The following FAT3 variants were observed in gnomAD, a reference collection of about 807,000 sequenced individuals.
The protein encoded by FAT3 is protocadherin Fat 3.
Under a neutral mutation model 310.2 loss-of-function variants are expected in FAT3, and 95 were observed. The observed-to-expected ratio is 0.31, with a 90% CI of 0.26 to 0.36. The LOEUF (loss-of-function observed/expected upper bound fraction) is 0.36, where lower values mean the gene tolerates loss of function less well. Ranked by LOEUF, FAT3 falls within the 10% of genes least tolerant of loss-of-function variation. The pLI is 1.00. For missense variants in FAT3, 5,408 were observed against 5,715.6 expected, an observed-to-expected ratio of 0.95 and a Z score of 1.74; for synonymous variants, 2,314 against 2,192.9, an observed-to-expected ratio of 1.06 and a Z score of -1.54.
At chr11:92,856,901 G>A (rs1474715038) in intron 19 of FAT3, among the ~76,000 whole-genome samples, 1 of 152,140 alleles carries the variant, frequency 6.6e-6, no homozygotes, top group Non-Finnish European at 1.5e-5. Flanking sequence ...TCTTTCTTCA[G>A]CTGAAGTTGG....
At chr11:92,680,548 T>A (rs1401521655) in intron 3 of FAT3, among the ~76,000 whole-genome samples, 2 of 152,236 alleles carry the variant, frequency 1.3e-5, no homozygotes, top group African/African-American at 2.4e-5. Flanking sequence ...ATATGATGCT[T>A]CCAGCTTTGT....
At chr11:92,333,593 G>A (rs1184355658) in intron 1 of FAT3, among the ~76,000 whole-genome samples, 1 of 152,126 alleles carries the variant, frequency 6.6e-6, no homozygotes, top group South Asian at 2.1e-4. Context: ...TGCAAGTCCT[G>A]TAACATAATC....
chr11:92,470,430 A>G (rs1271608687), intron 2 of FAT3, among the ~76,000 whole-genome samples: 3 of 152,176 alleles, frequency 2.0e-5, no homozygotes, highest in African/African-American at 7.2e-5. Flanking sequence ...TCTGGCTTAA[A>G]TCTTCTTAAA....
intron 1 of FAT3, among the ~76,000 whole-genome samples, chr11:92,271,966 TG>T (rs1946133965): frequency 6.6e-6 from 1 of 152,268 alleles, no homozygotes; most frequent in African/African-American, 2.4e-5. Context: ...TTTCTTAGTT[TG>T]GGGGTAGTTT....
At chr11:92,329,938 A>T (rs1357357196) in intron 1 of FAT3, among the ~76,000 whole-genome samples, 1 of 151,604 alleles carries the variant, frequency 6.6e-6, no homozygotes, top group Non-Finnish European at 1.5e-5. Flanking sequence ...TGCTTAGTAC[A>T]CTTCAGCTTT....
chr11:92,374,030 G>GGAGAGAGAGAGAGAGAGAGAGAGA (rs58680206), intron 2 of FAT3, among the ~76,000 whole-genome samples: 4 of 142,236 alleles, frequency 2.8e-5, no homozygotes, highest in African/African-American at 5.3e-5. Flanking sequence ...ACAGAGAGAG[G>GGAGAGAGAGAGAGAGAGAGAGAGA]GAGAGAGAGA....
chr11:92,360,845 G>A (rs1948862281), intron 2 of FAT3, among the ~76,000 whole-genome samples: 1 of 152,180 alleles, frequency 6.6e-6, no homozygotes, highest in African/African-American at 2.4e-5. Flanking sequence ...GGATCACTGA[G>A]GCTTGCCCAG....
chr11:92,453,038 T>A (rs1951401962), intron 2 of FAT3, among the ~76,000 whole-genome samples: 1 of 152,122 alleles, frequency 6.6e-6, no homozygotes, highest in Non-Finnish European at 1.5e-5. Flanking sequence ...CCTCCCAAAG[T>A]GTTGGGATTA....
intron 1 of FAT3, among the ~76,000 whole-genome samples, chr11:92,301,463 G>A (rs1195990964): frequency 6.6e-6 from 1 of 152,054 alleles, no homozygotes; most frequent in Non-Finnish European, 1.5e-5. Flanking sequence ...AGGAGGGAGG[G>A]GGATGGAACA....
chr11:92,630,454 A>G (rs1039910299), intron 3 of FAT3, among the ~76,000 whole-genome samples: 1 of 152,218 alleles, frequency 6.6e-6, no homozygotes, highest in Admixed American at 6.5e-5. Flanking sequence ...CCTAAGCTTC[A>G]GATTCATAGA....
At chr11:92,339,167 A>G (rs1234068511) in intron 1 of FAT3, among the ~76,000 whole-genome samples, 1 of 152,164 alleles carries the variant, frequency 6.6e-6, no homozygotes, top group African/African-American at 2.4e-5. Flanking sequence ...CATATTAGGC[A>G]TGTAAGTTCT....
At chr11:92,245,523 T>C (rs1201988460) in intron 1 of FAT3, among the ~76,000 whole-genome samples, 1 of 152,068 alleles carries the variant, frequency 6.6e-6, no homozygotes, top group Non-Finnish European at 1.5e-5. Context: ...AATTCCTAGA[T>C]AATGTCAATG....
intron 4 of FAT3, among the ~76,000 whole-genome samples, chr11:92,712,276 A>G (rs1246627533): frequency 2.0e-5 from 3 of 152,056 alleles, no homozygotes; most frequent in Non-Finnish European, 4.4e-5. Flanking sequence ...ATCAGTTCCA[A>G]CTTGGAGCTA....
chr11:92,272,505 G>A (rs1052102312), intron 1 of FAT3, among the ~76,000 whole-genome samples: 1 of 151,984 alleles, frequency 6.6e-6, no homozygotes, highest in Non-Finnish European at 1.5e-5. Flanking sequence ...AGCTTCTAAT[G>A]AATAATATAA....
At chr11:92,395,582 CTTTT>C (rs879447133) in intron 2 of FAT3, among the ~76,000 whole-genome samples, 1 of 144,510 alleles carries the variant, frequency 6.9e-6, no homozygotes, top group Non-Finnish European at 1.5e-5. Context: ...TTCAGTGTCA[CTTTT>C]TTTTTTTTTT....
intron 4 of FAT3, among the ~76,000 whole-genome samples, chr11:92,713,001 C>A (rs1276501571): frequency 6.6e-6 from 1 of 152,176 alleles, no homozygotes; most frequent in Non-Finnish European, 1.5e-5. Flanking sequence ...AATCAGCACT[C>A]TGACCAATAC....
intron 2 of FAT3, among the ~76,000 whole-genome samples, chr11:92,472,770 C>T (rs1289043466): frequency 6.6e-6 from 1 of 152,182 alleles, no homozygotes; most frequent in Non-Finnish European, 1.5e-5. Flanking sequence ...TGCTTTGCTT[C>T]CCCTTTATCC....
intron 2 of FAT3, among the ~76,000 whole-genome samples, chr11:92,505,019 G>A (rs1953055654): frequency 6.6e-6 from 1 of 152,138 alleles, no homozygotes; most frequent in Admixed American, 6.6e-5. Context: ...GAGGTAGGTG[G>A]TTATTTCAGG....
At chr11:92,247,315 T>G (rs1428335930) in intron 1 of FAT3, among the ~76,000 whole-genome samples, 1 of 150,686 alleles carries the variant, frequency 6.6e-6, no homozygotes, top group African/African-American at 2.5e-5. Context: ...GGCTGAGCCT[T>G]GAAACCATGT....
Sources: allele counts gnomAD v4.1 joint callset (sites outside exome capture counted in the v4.1 genomes callset), GRCh38; gene constraint gnomAD v4.1.1; transcripts MANE v1.5; gene names NCBI Gene and HGNC (gene_info 2026-07-23, HGNC 2026-07-21).